The following FMR1NB variants were observed in gnomAD, a reference collection of about 807,000 sequenced individuals.
FMR1NB encodes FMR1 neighbor protein.
Under a neutral mutation model 16.8 loss-of-function variants are expected in FMR1NB, and 10 were observed. The ratio of observed to expected loss-of-function variants is 0.60; its 90% CI spans 0.37 to 1.01. The LOEUF (loss-of-function observed/expected upper bound fraction) is 1.01. Among genes scored for constraint, FMR1NB ranks in the 50% least tolerant of loss-of-function variants. The pLI is 0.01. For missense variants in FMR1NB, 205 were observed against 204.8 expected, an observed-to-expected ratio of 1.00 and a Z score of 0.00; for synonymous variants, 83 against 79.1, an observed-to-expected ratio of 1.05 and a Z score of -0.26.
rs781950771 is a variant in FMR1NB at position 148,006,779 on chromosome X, C to T, written c.475C>T (p.His159Tyr). The T allele has an allele frequency of 1.7e-6, 2 of 1,210,865 alleles. No individual in the cohort carries two copies. Among genetic ancestry groups the T allele is most frequent in the Admixed American group, 4.3e-5 (2 of 46,038 alleles). The change falls in exon 3 of 6, where the codon CAC becomes TAC. Residue 159 changes from histidine to tyrosine, a missense_variant. Physicochemically the swap from His to Tyr is moderately conservative, Grantham distance 83 (BLOSUM62 2). Transcript: ENST00000370467. ...TCTTAGTGAGAGTGAATGTTTGAGA[C>T]ACAAATGCTGTTTTTCATCATCGGG... The part of the protein sequence containing the change: ...QDLSESECLR[H>Y]KCCFSSSGTT...
intron 1 of FMR1NB, among the ~76,000 whole-genome samples, chrX:147,991,510 T>C (rs2044504397): frequency 9.1e-6 from 1 of 110,252 alleles, no homozygotes; most frequent in South Asian, 3.9e-4. Flanking sequence ...CCTTTCCTGC[T>C]TTCTTTACCT....
intron 2 of FMR1NB, among the ~76,000 whole-genome samples, chrX:148,005,522 G>C (rs1461094916): frequency 8.9e-6 from 1 of 111,760 alleles, no homozygotes; most frequent in Non-Finnish European, 1.9e-5. Context: ...TTAGAATATA[G>C]AACAACAAGT....
intron 4 of FMR1NB, among the ~76,000 whole-genome samples, chrX:148,022,372 C>CAA (rs1245834545): frequency 8.9e-6 from 1 of 111,930 alleles, no homozygotes; most frequent in Non-Finnish European, 1.9e-5. Flanking sequence ...GAACTCATCT[C>CAA]AACATAATAT....
At chrX:147,990,040 A>G (rs1603071139) in intron 1 of FMR1NB, among the ~76,000 whole-genome samples, 1 of 29,535 alleles carries the variant, frequency 3.4e-5, no homozygotes, top group Non-Finnish European at 5.9e-5. Context: ...CTGGGCTAAG[A>G]AAAAAAAAAA....
chrX:147,994,925 T>C (rs782504339), intron 1 of FMR1NB, among the ~76,000 whole-genome samples: 4 of 112,487 alleles, frequency 3.6e-5, no homozygotes, highest in Non-Finnish European at 7.5e-5. Flanking sequence ...ACAGTTGCAA[T>C]TATAACCCCA....
intron 4 of FMR1NB, among the ~76,000 whole-genome samples, chrX:148,023,550 A>C (rs2044689658): frequency 8.9e-6 from 1 of 111,740 alleles, no homozygotes; most frequent in Admixed American, 9.5e-5. Context: ...TAGCACTTAC[A>C]AGGTCCTGGT....
At chrX:147,985,946 G>A (rs186174857) in intron 1 of FMR1NB, among the ~76,000 whole-genome samples, 2 of 112,387 alleles carry the variant, frequency 1.8e-5, no homozygotes, top group Admixed American at 9.4e-5. Flanking sequence ...CAGTGTAAAA[G>A]TGTTTCTATT....
Position 148,023,457 on chromosome X carries a change from T to C in FMR1NB, c.633-1408T>C, listed in dbSNP as rs189612685. Among the ~76,000 whole-genome samples the C allele has an allele frequency of 7.6e-3, 851 of 111,286 alleles. 8 individuals carry two copies. Among genetic ancestry groups the C allele is most frequent in the African/African-American group, 0.025 (777 of 30,648 alleles). On this transcript the variant is annotated intron_variant, in intron 4 of 5. Transcript: ENST00000370467. The stretch of plus-strand genomic sequence containing the variant: ...AGGGGAGAAAAGTTAGTATTATTTA[T>C]CTTCAAAGTCATAATTTCAAAGGCA...
chrX:148,017,935 A>G (rs1217073383), intron 4 of FMR1NB, among the ~76,000 whole-genome samples: 11 of 107,776 alleles, frequency 1.0e-4, no homozygotes, highest in Admixed American at 5.9e-4. Context: ...AATCCAGTCT[A>G]TCATTGTTGG....
chrX:148,021,013 G>A (rs1213967649), intron 4 of FMR1NB, among the ~76,000 whole-genome samples: 3 of 111,796 alleles, frequency 2.7e-5, no homozygotes, highest in African/African-American at 9.8e-5. Context: ...AGGTTATTGA[G>A]GGCCCCAGTG....
chrX:148,000,428 T>C (rs942327099), intron 1 of FMR1NB, among the ~76,000 whole-genome samples: 6 of 112,076 alleles, frequency 5.4e-5, no homozygotes, highest in African/African-American at 1.6e-4. Flanking sequence ...ATAACTCTTA[T>C]GCCAAAATTT....
chrX:147,993,542 C>A (rs1350701641), intron 1 of FMR1NB, among the ~76,000 whole-genome samples: 1 of 111,274 alleles, frequency 9.0e-6, no homozygotes, highest in Non-Finnish European at 1.9e-5. Context: ...TTGCTCACTT[C>A]ACAGGCCTTT....
At position 148,006,735 on chromosome X, in the gene FMR1NB, C is replaced by T; in HGVS notation, c.431C>T (p.Pro144Leu). ...CTGAGGGAAAATCAGGTGGCAAAGC[C>T]TTGTAATGAGCTGCAAGATCTTAGT... Reference protein sequence around the residue: ...CNLRENQVAKPCNELQDLSES... With the variant: ...CNLRENQVAKLCNELQDLSES... Residue 144 changes from proline to leucine, a missense_variant, in exon 3 of 6, where the codon CCT becomes CTT. Pro to Leu is a moderately conservative substitution (Grantham distance 98). Transcript: ENST00000370467. The T allele has an allele frequency of 8.3e-7, 1 of 1,207,487 alleles. No homozygotes were observed. The highest frequency in any genetic ancestry group is 1.1e-6 in the Non-Finnish European group (1 of 893,791).
intron 4 of FMR1NB, among the ~76,000 whole-genome samples, chrX:148,024,085 TATC>T (rs1417224988): frequency 8.9e-6 from 1 of 112,098 alleles, no homozygotes; most frequent in African/African-American, 3.2e-5. Flanking sequence ...ATAGGAAGTT[TATC>T]ATACCTGCTG....
chrX:147,993,467 CAA>C (rs1223064292), intron 1 of FMR1NB, among the ~76,000 whole-genome samples: 3 of 111,086 alleles, frequency 2.7e-5, no homozygotes, highest in Non-Finnish European at 5.7e-5. Flanking sequence ...ATCACCATTC[CAA>C]AAGTTTTTCT....
At chrX:148,005,089 C>G (rs1174205519) in intron 2 of FMR1NB, among the ~76,000 whole-genome samples, 2 of 111,762 alleles carry the variant, frequency 1.8e-5, no homozygotes, top group Non-Finnish European at 3.8e-5. Context: ...AGGTTTTCAC[C>G]ATGTTGGCCA....
At chrX:147,990,529 A>G (rs1279471674) in intron 1 of FMR1NB, among the ~76,000 whole-genome samples, 2 of 111,906 alleles carry the variant, frequency 1.8e-5, no homozygotes, top group African/African-American at 6.5e-5. Flanking sequence ...TTTAATATGT[A>G]TATACAATGT....
chrX:147,995,432 T>G (rs1438075176), intron 1 of FMR1NB, among the ~76,000 whole-genome samples: 6 of 111,865 alleles, frequency 5.4e-5, no homozygotes, highest in Non-Finnish European at 1.1e-4. Flanking sequence ...GAGGTAACTC[T>G]GGGATATACC....
chrX:148,007,440 C>T (rs2044602435), intron 3 of FMR1NB, among the ~76,000 whole-genome samples: 1 of 111,358 alleles, frequency 9.0e-6, no homozygotes, highest in African/African-American at 3.3e-5. Flanking sequence ...CAGACGTGCA[C>T]CAGCAAGCCC....
Sources: allele counts gnomAD v4.1 joint callset (sites outside exome capture counted in the v4.1 genomes callset), GRCh38; gene constraint gnomAD v4.1.1; transcripts MANE v1.5; gene names NCBI Gene and HGNC (gene_info 2026-07-23, HGNC 2026-07-21).